NRCAM: variants seen among roughly 807,000 people sequenced by gnomAD.
The protein encoded by NRCAM is neuronal cell adhesion molecule.
NRCAM carries 83 observed loss-of-function variants against 156.5 expected under a neutral mutation model. The ratio of observed to expected loss-of-function variants is 0.53; its 90% confidence interval spans 0.44 to 0.64. The LOEUF is 0.64. Among genes scored for constraint, NRCAM ranks in the 30% least tolerant of loss-of-function variants. The pLI is 0.00. For synonymous variants in NRCAM, 538 were observed against 563.9 expected, an observed-to-expected ratio of 0.95 and a Z score of 0.65; for missense variants, 1,417 against 1,597.3, an observed-to-expected ratio of 0.89 and a Z score of 1.92.
chr7:108,414,500 G>C (rs912889069), intron 1 of NRCAM, among the ~76,000 whole-genome samples: 2 of 152,110 alleles, frequency 1.3e-5, no homozygotes, highest in African/African-American at 2.4e-5. Flanking sequence ...CTGAGAAAGG[G>C]TACAAAAGAG....
intron 2 of NRCAM, among the ~76,000 whole-genome samples, chr7:108,351,273 T>C (rs2099410601): frequency 6.6e-6 from 1 of 152,182 alleles, no homozygotes; most frequent in Admixed American, 6.5e-5. Flanking sequence ...CCCCTTGACC[T>C]TGGACTTCCT....
chr7:108,225,717 T>A lies in NRCAM; in HGVS notation c.722-16A>T. ...AATTCATCCACTGAAATAAACAGAA[T>A]ATTATGAAGAGGGCATAAAAGTGGG... On this transcript the variant is annotated splice_polypyrimidine_tract_variant and intron_variant, in intron 9 of 32. Coordinates refer to ENST00000379028, the MANE Select transcript of NRCAM (RefSeq NM_001037132.4). 6.5e-7 allele frequency: 1 copy of A among 1,549,080 alleles called. No individual in the cohort carries two copies. Among genetic ancestry groups the A allele is most frequent in the Non-Finnish European group, 8.9e-7 (1 of 1,121,212 alleles).
At chr7:108,158,780 C>G (rs990114081) in intron 32 of NRCAM, among the ~76,000 whole-genome samples, 1 of 152,088 alleles carries the variant, frequency 6.6e-6, no homozygotes, top group Non-Finnish European at 1.5e-5. Flanking sequence ...TTAATTTAAA[C>G]AAATCTAAAG....
At chr7:108,335,459 T>TC (rs1554522593) in intron 2 of NRCAM, among the ~76,000 whole-genome samples, 1 of 119,550 alleles carries the variant, frequency 8.4e-6, no homozygotes, top group African/African-American at 3.0e-5. Flanking sequence ...TTTTTTTTTT[T>TC]CAGTTTTCAC....
At chr7:108,157,850 G>A (rs79377218) in intron 32 of NRCAM, among the ~76,000 whole-genome samples, 68 of 152,230 alleles carry the variant, frequency 4.5e-4, no homozygotes, top group Non-Finnish European at 8.1e-4. Context: ...TCACCATGTG[G>A]AGAATGTATG....
At chr7:108,171,068 T>C (rs1294424142) in intron 28 of NRCAM, among the ~76,000 whole-genome samples, 2 of 152,208 alleles carry the variant, frequency 1.3e-5, no homozygotes, top group Admixed American at 1.3e-4. Context: ...ACTTTTACCA[T>C]AGGGAATTCG....
chr7:108,246,942 T>C (rs886696894), intron 3 of NRCAM, among the ~76,000 whole-genome samples: 2 of 152,186 alleles, frequency 1.3e-5, no homozygotes, highest in Non-Finnish European at 2.9e-5. Context: ...GCAAGCAATA[T>C]GTGAAAAGAG....
At chr7:108,348,950 G>A (rs2099390661) in intron 2 of NRCAM, among the ~76,000 whole-genome samples, 1 of 151,366 alleles carries the variant, frequency 6.6e-6, no homozygotes, top group Non-Finnish European at 1.5e-5. Flanking sequence ...GGGCAGCCAA[G>A]GAATGTATGA....
chr7:108,326,770 G>A (rs559221100), intron 2 of NRCAM, among the ~76,000 whole-genome samples: 6 of 152,278 alleles, frequency 3.9e-5, no homozygotes, highest in African/African-American at 1.2e-4. Context: ...TAAGTTTGGG[G>A]AAAGTGCCCT....
intron 28 of NRCAM, among the ~76,000 whole-genome samples, chr7:108,171,244 T>G (rs1311055107): frequency 6.6e-6 from 1 of 150,998 alleles, no homozygotes; most frequent in Non-Finnish European, 1.5e-5. Flanking sequence ...ATACCGCCAG[T>G]GTAGTTACCT....
chr7:108,267,811 A>G (rs139946715), intron 3 of NRCAM, among the ~76,000 whole-genome samples: 1 of 152,316 alleles, frequency 6.6e-6, no homozygotes, highest in East Asian at 1.9e-4. Flanking sequence ...AGGACAAAAA[A>G]CCCATTTATT....
intron 20 of NRCAM, among the ~76,000 whole-genome samples, chr7:108,188,379 C>CTGTGTGTG (rs71137612): frequency 1.1e-4 from 17 of 150,272 alleles, no homozygotes; most frequent in African/African-American, 4.2e-4. Flanking sequence ...TCTGAGTCCT[C>CTGTGTGTG]TGTGTGTGTG....
intron 8 of NRCAM, among the ~76,000 whole-genome samples, chr7:108,230,213 C>CCG (rs1562850772): frequency 6.6e-6 from 1 of 151,696 alleles, no homozygotes; most frequent in Non-Finnish European, 1.5e-5. Context: ...ATCCTTGATT[C>CCG]CTCTCTCTCA....
chr7:108,175,681 T>A (rs1294535543), intron 27 of NRCAM, among the ~76,000 whole-genome samples: 1 of 152,188 alleles, frequency 6.6e-6, no homozygotes, highest in Non-Finnish European at 1.5e-5. Flanking sequence ...AATTGTCAAT[T>A]TTTTATGCTA....
At position 108,268,814 on chromosome 7, in the gene NRCAM, T is replaced by C. The variant is rs116942108; in HGVS notation, c.-106-28644A>G. The stretch of plus-strand genomic sequence containing the variant: ...ATTCAGTCATGTGAAATCCAGCTCC[T>C]ATGAATGGTTCAATACCTGAAACAG... On this transcript the variant is annotated intron_variant, in intron 3 of 32. Transcript: ENST00000379028. Among the ~76,000 whole-genome samples, 800 of 152,360 alleles carry C rather than the reference T, an allele frequency of 5.3e-3. 2 individuals are homozygous for C. Among genetic ancestry groups the C allele is most frequent in the South Asian group, 0.011 (55 of 4,834 alleles).
intron 5 of NRCAM, among the ~76,000 whole-genome samples, chr7:108,235,420 A>G (rs7784353): frequency 0.074 from 11,194 of 152,250 alleles, 595 homozygotes; most frequent in African/African-American, 0.14. Context: ...TGCTCTTCAA[A>G]TTGTTCTAAA....
intron 32 of NRCAM, among the ~76,000 whole-genome samples, chr7:108,157,827 G>GAAC (rs2046474033): frequency 6.6e-6 from 1 of 152,082 alleles, no homozygotes; most frequent in South Asian, 2.1e-4. Context: ...TGATAATGTA[G>GAAC]AACAGGAACC....
At chr7:108,438,359 A>G (rs1374588231) in intron 1 of NRCAM, among the ~76,000 whole-genome samples, 1 of 152,194 alleles carries the variant, frequency 6.6e-6, no homozygotes, top group Non-Finnish European at 1.5e-5. Context: ...GAAGTTTAAC[A>G]TCCAAAAATC....
intron 2 of NRCAM, among the ~76,000 whole-genome samples, chr7:108,365,372 TA>T (rs1563455476): frequency 6.6e-6 from 1 of 152,196 alleles, no homozygotes; most frequent in African/African-American, 2.4e-5. Flanking sequence ...ATTTACTCCA[TA>T]AAATTATCTT....
Sources: gnomAD v4.1 joint callset for allele counts (sites outside exome capture counted in the v4.1 genomes callset) on GRCh38, gnomAD v4.1.1 for gene constraint, MANE v1.5 for transcripts, NCBI Gene and HGNC (gene_info 2026-07-23, HGNC 2026-07-21) for gene names.